SLC20A2: variants seen among roughly 807,000 people sequenced by gnomAD.
The protein encoded by SLC20A2 is sodium-dependent phosphate transporter 2.
Under a neutral mutation model 61.0 loss-of-function variants are expected in SLC20A2, and 30 were observed. The observed-to-expected ratio is 0.49, with a 90% CI of 0.37 to 0.67. The LOEUF (loss-of-function observed/expected upper bound fraction) is 0.67, where lower values mean the gene tolerates loss of function less well. Among genes scored for constraint, SLC20A2 ranks in the 30% least tolerant of loss-of-function variants. SLC20A2 has a pLI of 0.00. For synonymous variants in SLC20A2, 351 were observed against 353.3 expected (o/e 0.99, Z 0.07); for missense variants, 626 against 866.4 (o/e 0.72, Z 3.48).
intron 1 of SLC20A2, among the ~76,000 whole-genome samples, chr8:42,494,747 A>C (rs1450942914): frequency 6.6e-6 from 1 of 152,204 alleles, no homozygotes; most frequent in Non-Finnish European, 1.5e-5. Flanking sequence ...AATCTTGTAT[A>C]GTCTAATAAT....
intron 10 of SLC20A2, 91 bp downstream of exon 10, chr8:42,428,665 TAC>T: frequency 9.1e-7 from 1 of 1,098,884 alleles, no homozygotes; most frequent in Non-Finnish European, 1.3e-6. Flanking sequence ...CACAACCATC[TAC>T]AGAGCCCTAC....
intron 1 of SLC20A2, among the ~76,000 whole-genome samples, chr8:42,535,547 G>A (rs1812646226): frequency 6.6e-6 from 1 of 152,124 alleles, no homozygotes; most frequent in Admixed American, 6.6e-5. Flanking sequence ...GCAAATAATT[G>A]AAAAGCATGG....
At chr8:42,454,534 A>G (rs1270368270) in intron 5 of SLC20A2, among the ~76,000 whole-genome samples, 1 of 152,122 alleles carries the variant, frequency 6.6e-6, no homozygotes, top group African/African-American at 2.4e-5. Flanking sequence ...CAGCCACCCA[A>G]CTACAGAACC....
chr8:42,449,063 T>G (rs1009005563), intron 5 of SLC20A2, among the ~76,000 whole-genome samples: 1 of 152,182 alleles, frequency 6.6e-6, no homozygotes, highest in African/African-American at 2.4e-5. Context: ...AACTCAAGAC[T>G]GGCTTCTACA....
chr8:42,427,174 G>T (rs1221005540), intron 10 of SLC20A2, among the ~76,000 whole-genome samples: 1 of 152,220 alleles, frequency 6.6e-6, no homozygotes, highest in African/African-American at 2.4e-5. Context: ...CCTCAGCTGG[G>T]CTGCTCCCTG....
intron 6 of SLC20A2, among the ~76,000 whole-genome samples, chr8:42,443,940 G>A (rs1212005120): frequency 6.6e-6 from 1 of 152,180 alleles, no homozygotes; most frequent in Non-Finnish European, 1.5e-5. Flanking sequence ...ACGGCTGTAG[G>A]ATGCCTTCAG....
At chr8:42,531,496 T>G (rs1242857350) in intron 1 of SLC20A2, among the ~76,000 whole-genome samples, 2 of 152,194 alleles carry the variant, frequency 1.3e-5, no homozygotes, top group African/African-American at 4.8e-5. Flanking sequence ...GCAGTTCACA[T>G]ATATTATAAT....
intron 5 of SLC20A2, among the ~76,000 whole-genome samples, chr8:42,452,695 G>A (rs1207936930): frequency 2.0e-5 from 3 of 148,578 alleles, no homozygotes; most frequent in African/African-American, 7.5e-5. Context: ...GGAAAAGATG[G>A]AGGAGGGGAG....
At position 42,452,571 on chromosome 8, in the gene SLC20A2, G is replaced by A. The variant is rs1437330768; in HGVS notation, c.613+7325C>T. ...AAGAGGAGGAGCAGGAAGAGATGGA[G>A]GAGCGGGAAGAGGAAGAGATGAAGA... On this transcript the variant is annotated intron_variant, in intron 5 of 10. Transcript: ENST00000520262. 2.6e-5 allele frequency among the ~76,000 whole-genome samples: 4 copies of A among 151,142 alleles called. No homozygotes were observed. In the East Asian group the frequency reaches 7.8e-4, roughly 30 times the overall value.
intron 10 of SLC20A2, among the ~76,000 whole-genome samples, chr8:42,418,668 G>A (rs1421568656): frequency 3.3e-5 from 5 of 151,922 alleles, no homozygotes; most frequent in African/African-American, 9.7e-5. Context: ...GATTACAGGC[G>A]TGAGCCACTG....
chr8:42,520,258 C>T (rs1811565391), intron 1 of SLC20A2, among the ~76,000 whole-genome samples: 2 of 151,180 alleles, frequency 1.3e-5, no homozygotes, highest in Admixed American at 6.6e-5. Flanking sequence ...AAGTGATCCG[C>T]CCGCCTCAGC....
chr8:42,462,346 G>C (rs1354620202), intron 4 of SLC20A2, among the ~76,000 whole-genome samples: 1 of 152,184 alleles, frequency 6.6e-6, no homozygotes, highest in Non-Finnish European at 1.5e-5. Context: ...GGCTGCGCCA[G>C]CTTCCAAGCA....
intron 2 of SLC20A2, among the ~76,000 whole-genome samples, chr8:42,467,554 G>A (rs1306457936): frequency 6.6e-6 from 1 of 152,188 alleles, no homozygotes; most frequent in Non-Finnish European, 1.5e-5. Flanking sequence ...GGGACCCCTG[G>A]CATTTCCTTC....
intron 1 of SLC20A2, among the ~76,000 whole-genome samples, chr8:42,483,164 G>A (rs1289349836): frequency 6.6e-6 from 1 of 152,162 alleles, no homozygotes; most frequent in African/African-American, 2.4e-5. Flanking sequence ...TGGCCAACAT[G>A]GTGAGACTCT....
At chr8:42,523,274 G>A (rs1464859169) in intron 1 of SLC20A2, among the ~76,000 whole-genome samples, 5 of 152,146 alleles carry the variant, frequency 3.3e-5, no homozygotes, top group Non-Finnish European at 7.3e-5. Context: ...AGGATGCGGT[G>A]AGCCGAGATT....
At chr8:42,456,941 T>C (rs1806258765) in intron 5 of SLC20A2, among the ~76,000 whole-genome samples, 1 of 152,004 alleles carries the variant, frequency 6.6e-6, no homozygotes, top group Non-Finnish European at 1.5e-5. Context: ...GTTTTATTTT[T>C]GAGATGGAGT....
intron 1 of SLC20A2, among the ~76,000 whole-genome samples, chr8:42,513,121 G>A (rs1294688308): frequency 6.6e-6 from 1 of 152,126 alleles, no homozygotes; most frequent in African/African-American, 2.4e-5. Flanking sequence ...TTAGAATGCT[G>A]GACAATTCTG....
chr8:42,448,419 T>C (rs1474819018), intron 5 of SLC20A2, among the ~76,000 whole-genome samples: 4 of 152,202 alleles, frequency 2.6e-5, no homozygotes, highest in African/African-American at 9.6e-5. Flanking sequence ...AAGGGCTACT[T>C]GATGGGCTCC....
chr8:42,490,980 A>G (rs1185682157), intron 1 of SLC20A2, among the ~76,000 whole-genome samples: 1 of 152,216 alleles, frequency 6.6e-6, no homozygotes, highest in African/African-American at 2.4e-5. Flanking sequence ...TTTAGTCTTC[A>G]GAGTAAAGAT....
Sources: gnomAD v4.1 joint callset for allele counts (sites outside exome capture counted in the v4.1 genomes callset) on GRCh38, gnomAD v4.1.1 for gene constraint, MANE v1.5 for transcripts, NCBI Gene and HGNC (gene_info 2026-07-23, HGNC 2026-07-21) for gene names.